DRICH1: variants seen among roughly 807,000 people sequenced by gnomAD.
DRICH1 encodes the protein aspartate rich 1.
DRICH1 carries 38 observed loss-of-function variants against 39.5 expected under a neutral mutation model. The observed-to-expected ratio is 0.96, with a 90% CI of 0.74 to 1.26. DRICH1 has a LOEUF of 1.26. Ranked by LOEUF, DRICH1 falls within the 50% of genes most tolerant of loss-of-function variation. DRICH1 has a pLI of 0.00. For missense variants in DRICH1, 279 were observed against 270.4 expected, an observed-to-expected ratio of 1.03 and a Z score of -0.22; for synonymous variants, 84 against 99.5, an observed-to-expected ratio of 0.84 and a Z score of 0.93.
rs1361977931 is a variant in DRICH1 at position 23,631,906 on chromosome 22, C to G, written c.118G>C (p.Glu40Gln). The G allele has an allele frequency of 6.2e-7, 1 of 1,613,434 alleles. No individual in the cohort carries two copies. The highest frequency in any genetic ancestry group is 1.7e-5 in the Admixed American group (1 of 60,006). The change falls in exon 1 of 12, where the codon GAA becomes CAA. Residue 40 changes from glutamate to glutamine, a missense_variant. Transcript: ENST00000317749. ...IYETVAAATS[E>Q]STTVEPGKLD... is the part of the protein sequence containing the mutation. The stretch of plus-strand genomic sequence containing the variant: ...TTGCCAGGCTCTACAGTAGTGGATT[C>G]TGATGTTGCAGCAGCCACAGTCTCA...
intron 8 of DRICH1, among the ~76,000 whole-genome samples, chr22:23,614,799 A>G (rs1339014229): frequency 6.6e-6 from 1 of 150,614 alleles, no homozygotes; most frequent in African/African-American, 2.5e-5. Flanking sequence ...AACAACTTCT[A>G]CACACACTTT....
intron 9 of DRICH1, 44 bp from the exon 10 acceptor site, chr22:23,613,704 T>G (rs1201960269): frequency 6.9e-7 from 1 of 1,441,548 alleles, no homozygotes; most frequent in East Asian, 2.3e-5. Flanking sequence ...CAGATTCTGC[T>G]GTGCGCTTCA....
the DRICH1 span, among the ~76,000 whole-genome samples, chr22:23,599,776 G>A: frequency 6.6e-6 from 1 of 152,058 alleles, no homozygotes; most frequent in Non-Finnish European, 1.5e-5. Context: ...GCTGACATGG[G>A]ATCCCCAGTA....
rs771429817 is a variant in DRICH1, at chr22:23,622,119, C to G, written c.356G>C (p.Cys119Ser). ...GGCATCATCATCATCATCATCATCACAGTCATCATCTTCACTTCGTGGTAG... is the reference window on the plus strand; with the variant it reads ...GGCATCATCATCATCATCATCATCAGAGTCATCATCTTCACTTCGTGGTAG... ...VCLPRSEDDD[C>S]DDDDDDDAQI... The change falls in exon 4 of 12, where the codon TGT becomes TCT. Residue 119 changes from cysteine (C) to serine (S), a missense_variant. By Grantham distance (112) the Cys-to-Ser change is moderately radical (BLOSUM62 -1). Coordinates refer to ENST00000317749, the MANE Select transcript of DRICH1 (RefSeq NM_016449.4). The G allele has an allele frequency of 6.8e-6, 11 of 1,610,052 alleles. No homozygotes were observed. The African/African-American group carries it at 9.4e-5, about 14-fold the overall frequency.
chr22:23,624,794 A>G, intron 3 of DRICH1, 89 bp downstream of exon 3: 1 of 1,465,556 alleles, frequency 6.8e-7, no homozygotes, highest in Non-Finnish European at 9.5e-7. Flanking sequence ...GACCCCCAAT[A>G]TTTTTTAACA....
rs1254868527 is a variant in DRICH1 at position 23,632,083 on chromosome 22, G to A, written c.-60C>T. The A allele has an allele frequency of 5.6e-6, 9 of 1,602,450 alleles. No individual in the cohort carries two copies. In the Admixed American group the frequency reaches 1.4e-4, roughly 24 times the overall value. Reference sequence around the variant, plus strand: ...CCTTCAGCGAAATTGTAACTGTGCTGCCCTAGCAGCCACACTACTGAGGGT... The same window carrying A: ...CCTTCAGCGAAATTGTAACTGTGCTACCCTAGCAGCCACACTACTGAGGGT... On this transcript the variant is annotated 5_prime_UTR_variant, in exon 1 of 12. Transcript: ENST00000317749.
At chr22:23,605,610 G>GCCCCTGCCTCCATTCCCA (rs1236784829), downstream of DRICH1, among the ~76,000 whole-genome samples, 2 of 150,680 alleles carry the variant, frequency 1.3e-5, no homozygotes, top group Non-Finnish European at 3.0e-5. Flanking sequence ...TGGACATCCT[G>GCCCCTGCCTCCATTCCCA]CCCCTGCCTC....
chr22:23,582,972 G>A, the DRICH1 span, among the ~76,000 whole-genome samples: 1 of 152,152 alleles, frequency 6.6e-6, no homozygotes, highest in African/African-American at 2.4e-5. Flanking sequence ...CCAAATGCCA[G>A]TCTTCAAATT....
At chr22:23,615,806 C>T (rs1045164415) in intron 8 of DRICH1, among the ~76,000 whole-genome samples, 1 of 152,196 alleles carries the variant, frequency 6.6e-6, no homozygotes, top group Non-Finnish European at 1.5e-5. Flanking sequence ...CATGGGGGCA[C>T]TCATAAGTTT....
At chr22:23,623,035 G>A (rs892883423) in intron 3 of DRICH1, among the ~76,000 whole-genome samples, 1 of 152,206 alleles carries the variant, frequency 6.6e-6, no homozygotes, top group Non-Finnish European at 1.5e-5. Context: ...GAGGAAAAGC[G>A]TGATTTTTTG....
chr22:23,616,811 C>G, intron 8 of DRICH1, 42 bp downstream of exon 8: 2 of 1,612,708 alleles, frequency 1.2e-6, no homozygotes, highest in South Asian at 1.1e-5. Context: ...TTAAAGCCAG[C>G]AAGTTTGTTT....
chr22:23,603,151 TGA>T, the DRICH1 span, among the ~76,000 whole-genome samples: 1 of 152,050 alleles, frequency 6.6e-6, no homozygotes, highest in East Asian at 1.9e-4. Flanking sequence ...AATTTTTAGC[TGA>T]AGTTTTATCC....
the DRICH1 span, chr22:23,583,284 CGTTT>C: frequency 1.3e-5 from 2 of 152,210 alleles, no homozygotes; most frequent in African/African-American, 4.8e-5. Flanking sequence ...TCTGCTGTCA[CGTTT>C]GAAGCCACCC....
the DRICH1 span, among the ~76,000 whole-genome samples, chr22:23,587,665 C>T: frequency 0.16 from 24,970 of 152,204 alleles, 2,692 homozygotes; most frequent in Non-Finnish European, 0.25. Flanking sequence ...CAATGGGACA[C>T]ATTCAGCAGA....
At chr22:23,589,128 C>CACACACACA in the DRICH1 span, among the ~76,000 whole-genome samples, 1 of 140,924 alleles carries the variant, frequency 7.1e-6, no homozygotes, top group African/African-American at 2.7e-5. Context: ...ACACACACAC[C>CACACACACA]CCTTTGATAT....
At chr22:23,597,028 T>C in the DRICH1 span, among the ~76,000 whole-genome samples, 1 of 150,784 alleles carries the variant, frequency 6.6e-6, no homozygotes, top group Non-Finnish European at 1.5e-5. Context: ...GCTCTGTGGT[T>C]AGACGCACAT....
chr22:23,627,651 C>T (rs541879936), intron 1 of DRICH1, among the ~76,000 whole-genome samples: 2 of 152,276 alleles, frequency 1.3e-5, no homozygotes, highest in Non-Finnish European at 2.9e-5. Flanking sequence ...AGGGGGTGCA[C>T]GTGCACACAG....
chr22:23,610,704 C>T (rs1301451446), intron 11 of DRICH1, among the ~76,000 whole-genome samples: 2 of 152,176 alleles, frequency 1.3e-5, no homozygotes, highest in Non-Finnish European at 2.9e-5. Flanking sequence ...TACTTATTGC[C>T]TAAAGAACTT....
the DRICH1 span, among the ~76,000 whole-genome samples, chr22:23,592,855 CACA>C: frequency 6.6e-6 from 1 of 150,760 alleles, no homozygotes. Flanking sequence ...CACACACACA[CACA>C]CACACACACA....
Sources: gnomAD v4.1 joint callset for allele counts (sites outside exome capture counted in the v4.1 genomes callset) on GRCh38, gnomAD v4.1.1 for gene constraint, MANE v1.5 for transcripts, NCBI Gene and HGNC (gene_info 2026-07-23, HGNC 2026-07-21) for gene names.